Variants in VDAC2 observed in about 807,000 individuals in gnomAD.
VDAC2 encodes non-selective voltage-gated ion channel VDAC2.
Under a neutral mutation model 36.6 loss-of-function variants are expected in VDAC2, and 6 were observed. The ratio of observed to expected loss-of-function variants is 0.16; its 90% CI spans 0.09 to 0.32. The LOEUF (loss-of-function observed/expected upper bound fraction) is 0.32, where lower values mean the gene tolerates loss of function less well. Ranked by LOEUF, VDAC2 falls within the 10% of genes least tolerant of loss-of-function variation. VDAC2 has a pLI of 1.00. For synonymous variants in VDAC2, 109 were observed against 123.8 expected (o/e 0.88, Z 0.79); for missense variants, 247 against 346.0 (o/e 0.71, Z 2.27).
At chr10:75,219,924 T>C (rs1451213375) in intron 6 of VDAC2, among the ~76,000 whole-genome samples, 2 of 149,012 alleles carry the variant, frequency 1.3e-5, no homozygotes, top group African/African-American at 5.0e-5. Context: ...GCCTCCCGGG[T>C]TTAAGTGATT....
intron 4 of VDAC2, among the ~76,000 whole-genome samples, chr10:75,214,809 G>A (rs929513304): frequency 6.6e-6 from 1 of 152,222 alleles, no homozygotes; most frequent in Non-Finnish European, 1.5e-5. Flanking sequence ...ACAGGTGTGA[G>A]TCACCATGCC....
intron 2 of VDAC2, chr10:75,211,584 A>G (rs1254189302): frequency 5.2e-6 from 8 of 1,550,486 alleles, no homozygotes; most frequent in Non-Finnish European, 7.0e-6. Flanking sequence ...TGTGGAATGA[A>G]TGAGCTGGTG....
At chr10:75,212,392 A>G (rs1841451931) in intron 3 of VDAC2, 94 bp downstream of exon 3, 1 of 1,118,404 alleles carries the variant, frequency 8.9e-7, no homozygotes, top group African/African-American at 1.6e-5. Context: ...CAAATTGTAA[A>G]TATCTTGCTG....
chr10:75,211,537 G>A (rs1841420989), intron 2 of VDAC2: 1 of 1,549,634 alleles, frequency 6.5e-7, no homozygotes, highest in South Asian at 1.2e-5. Flanking sequence ...GAGAGCGCAA[G>A]GTCATTACTT....
intron 1 of VDAC2, 72 bp downstream of exon 1, chr10:75,211,010 A>G: frequency 3.4e-6 from 3 of 891,184 alleles, no homozygotes; most frequent in Non-Finnish European, 4.8e-6. Flanking sequence ...CCCGCGCCGG[A>G]CTCGGAGTCG....
At chr10:75,213,950 T>G in intron 3 of VDAC2, 71 bp from the exon 4 acceptor site, 2 of 1,467,680 alleles carry the variant, frequency 1.4e-6, no homozygotes, top group South Asian at 1.2e-5. Context: ...TTTTTATGTA[T>G]AGTCAACAAT....
chr10:75,211,264 T>G, intron 2 of VDAC2, 75 bp downstream of exon 2: 1 of 1,564,156 alleles, frequency 6.4e-7, no homozygotes, highest in Admixed American at 1.9e-5. Flanking sequence ...CCAGTTTGTT[T>G]CCCCCTATCT....
intron 8 of VDAC2, among the ~76,000 whole-genome samples, chr10:75,222,789 C>T (rs1047648425): frequency 1.3e-5 from 2 of 152,074 alleles, no homozygotes; most frequent in Admixed American, 6.6e-5. Flanking sequence ...GGCACCTTGA[C>T]ATCCTGGGTT....
chr10:75,231,139 G>T lies in VDAC2; in HGVS notation c.*150G>T. 1 of 628,154 alleles carries T rather than the reference G, an allele frequency of 1.6e-6. No homozygotes were observed. The highest frequency in any genetic ancestry group is 2.7e-6 in the Non-Finnish European group (1 of 365,748). The allele number at this position is 628,154 out of a possible 1,614,324, so 38.9% of individuals were successfully genotyped here. A position where few individuals can be genotyped will look rare whatever the true frequency, so the allele number is the denominator to read the frequency against. On this transcript the variant is annotated 3_prime_UTR_variant, in exon 10 of 10. Transcript: ENST00000332211. ...GAGCTGTATTTTAAGTATTTAGACA[G>T]TTCTTTGTTAGCTGGTTTCTAGTTG... is the stretch of plus-strand genomic sequence containing the variant.
intron 6 of VDAC2, among the ~76,000 whole-genome samples, chr10:75,220,097 A>T (rs991392492): frequency 6.7e-6 from 1 of 149,552 alleles, no homozygotes; most frequent in Non-Finnish European, 1.5e-5. Flanking sequence ...AAGTGCTGGG[A>T]TTACAGGTGT....
chr10:75,213,421 A>G (rs1841492977), intron 3 of VDAC2, among the ~76,000 whole-genome samples: 1 of 152,122 alleles, frequency 6.6e-6, no homozygotes, highest in Non-Finnish European at 1.5e-5. Flanking sequence ...TTTCAGTTGA[A>G]TGATTTTTTA....
intron 9 of VDAC2, 75 bp downstream of exon 9, chr10:75,229,776 C>G: frequency 3.3e-6 from 4 of 1,214,010 alleles, no homozygotes; most frequent in Non-Finnish European, 4.6e-6. Context: ...GCTTACTTTT[C>G]AGACCTTTCA....
At chr10:75,210,295 A>T (rs1841356036), upstream of VDAC2, 1 of 152,542 alleles carries the variant, frequency 6.6e-6, no homozygotes, top group South Asian at 2.1e-4. Context: ...TGGGAAAGAG[A>T]AGCGGTCCCT....
chr10:75,227,444 C>T (rs1273525664), intron 8 of VDAC2, among the ~76,000 whole-genome samples: 1 of 152,124 alleles, frequency 6.6e-6, no homozygotes, highest in Admixed American at 6.5e-5. Context: ...CTGGAGTCTG[C>T]TGCAGAATCG....
intron 6 of VDAC2, among the ~76,000 whole-genome samples, chr10:75,219,760 C>T (rs1590004694): frequency 6.6e-6 from 1 of 151,132 alleles, no homozygotes; most frequent in Non-Finnish European, 1.5e-5. Context: ...GGTGGGATTA[C>T]AGGCATGAGC....
chr10:75,213,604 C>T (rs948150286), intron 3 of VDAC2, among the ~76,000 whole-genome samples: 2 of 152,036 alleles, frequency 1.3e-5, no homozygotes, highest in Non-Finnish European at 2.9e-5. Flanking sequence ...ATTAGCCAGG[C>T]GTGGTGGCAC....
At chr10:75,225,038 G>A (rs1311901485) in intron 8 of VDAC2, among the ~76,000 whole-genome samples, 2 of 152,048 alleles carry the variant, frequency 1.3e-5, no homozygotes, top group Non-Finnish European at 2.9e-5. Flanking sequence ...TAATATTGTT[G>A]GCAGATTAAA....
intron 8 of VDAC2, among the ~76,000 whole-genome samples, chr10:75,228,445 CAG>C (rs1409032856): frequency 2.0e-5 from 3 of 151,850 alleles, no homozygotes; most frequent in Admixed American, 6.6e-5. Flanking sequence ...TACAGACAGA[CAG>C]GGGTCTCACC....
rs145192732 is a variant in VDAC2 at position 75,215,499 on chromosome 10, G to A, written c.150+1429G>A. 2.6e-3 allele frequency among the ~76,000 whole-genome samples: 393 copies of A among 149,372 alleles called. 8 individuals are homozygous for A. The highest frequency in any genetic ancestry group is 9.0e-3 in the African/African-American group (364 of 40,606). ...CATGAGTAGCTGAAACTACAGACAC[G>A]GGCCACCACGCCCAGCTAATTTTTT... On this transcript the variant is annotated intron_variant, in intron 4 of 9. Transcript: ENST00000332211.
Sources: gnomAD v4.1 joint callset for allele counts (sites outside exome capture counted in the v4.1 genomes callset) on GRCh38, gnomAD v4.1.1 for gene constraint, MANE v1.5 for transcripts, NCBI Gene and HGNC (gene_info 2026-07-23, HGNC 2026-07-21) for gene names.